Variants in ATP5PD observed in about 807,000 individuals in gnomAD.
ATP5PD encodes ATP synthase peripheral stalk subunit d, mitochondrial.
ATP5PD carries 13 observed loss-of-function variants against 22.6 expected under a neutral mutation model. The observed-to-expected ratio is 0.58, with a 90% CI of 0.37 to 0.91. ATP5PD has a LOEUF of 0.91. ATP5PD is among the 40% of genes least tolerant of loss of function. ATP5PD has a pLI of 0.00. For synonymous variants in ATP5PD, 51 were observed against 65.0 expected, an observed-to-expected ratio of 0.79 and a Z score of 1.03; for missense variants, 165 against 188.0, an observed-to-expected ratio of 0.88 and a Z score of 0.72.
At position 75,039,257 on chromosome 17, in the gene ATP5PD, A is replaced by T. The variant is rs1375088766; in HGVS notation, c.306T>A (p.Ala102=). ...AEEKEDVKSC[A]EWVSLSKARI... The stretch of plus-strand genomic sequence containing the variant: ...TGGCCTTTGAGAGAGACACCCACTC[A>T]GCACAAGATTTCACCTTTAAGAAGA... The change falls in exon 5 of 6, where the codon GCT becomes GCA. Residue 102 remains alanine (A), a synonymous_variant. Coordinates refer to ENST00000301587, the MANE Select transcript of ATP5PD (RefSeq NM_006356.3). The T allele has an allele frequency of 1.5e-5, 24 of 1,614,060 alleles. No homozygotes were observed. The highest frequency in any genetic ancestry group is 2.0e-5 in the Non-Finnish European group (24 of 1,180,036).
At chr17:75,042,112 T>C in intron 3 of ATP5PD, 69 bp downstream of exon 3, 2 of 1,361,912 alleles carry the variant, frequency 1.5e-6, no homozygotes, top group Non-Finnish European at 2.1e-6. Context: ...TGTATGTAAT[T>C]ATCCCTGTTC....
intron 1 of ATP5PD, among the ~76,000 whole-genome samples, chr17:75,044,544 G>A (rs929586201): frequency 4.7e-5 from 7 of 149,396 alleles, no homozygotes; most frequent in South Asian, 2.1e-4. Flanking sequence ...GTTTCTCCAC[G>A]TTGGCCAGGA....
At position 75,039,117 on chromosome 17, in the gene ATP5PD, T is replaced by A. The variant is rs537833800; in HGVS notation, c.355-54A>T. On this transcript the variant is annotated intron_variant, in intron 5 of 5. Transcript: ENST00000301587. ...ATGTAAACAGAGACGGAAAGCAGAA[T>A]ATCCAAGGCAGGTTCCTGCCACCAG... 5.6e-6 allele frequency: 9 copies of A among 1,611,562 alleles called. No individual in the cohort carries two copies. The Admixed American group carries it at 1.5e-4, about 27-fold the overall frequency.
chr17:75,042,482 C>A lies in ATP5PD; in HGVS notation c.122+47G>T, dbSNP rs978994318. On this transcript the variant is annotated intron_variant, in intron 2 of 5. Coordinates refer to ENST00000301587, the MANE Select transcript of ATP5PD (RefSeq NM_006356.3). Reference sequence around the variant, plus strand: ...GTAATTCCTTAATACTGTTTTGTTTCTAGATTCAGTGGCAAGTATGGGGTT... The same window carrying A: ...GTAATTCCTTAATACTGTTTTGTTTATAGATTCAGTGGCAAGTATGGGGTT... The A allele has an allele frequency of 4.4e-6, 7 of 1,594,110 alleles. No homozygotes were observed. In the African/African-American group the frequency reaches 8.1e-5, roughly 19 times the overall value.
At chr17:75,045,105 C>T (rs914363188) in intron 1 of ATP5PD, among the ~76,000 whole-genome samples, 1 of 152,062 alleles carries the variant, frequency 6.6e-6, no homozygotes, top group Non-Finnish European at 1.5e-5. Flanking sequence ...GCTGGGCGTC[C>T]GGGGGAGACA....
chr17:75,039,149 G>C, intron 5 of ATP5PD, 60 bp downstream of exon 5: 3 of 1,611,824 alleles, frequency 1.9e-6, no homozygotes, highest in South Asian at 1.1e-5. Flanking sequence ...CCAGGTGAAA[G>C]ATGTGTGGTC....
intron 4 of ATP5PD, 128 bp from the exon 5 acceptor site, chr17:75,039,399 G>A (rs1024053530): frequency 5.2e-6 from 4 of 775,282 alleles, no homozygotes; most frequent in Non-Finnish European, 6.4e-6. Flanking sequence ...TGGTTACCCT[G>A]AGTGGGGGCG....
chr17:75,044,696 G>A (rs565067096), intron 1 of ATP5PD, among the ~76,000 whole-genome samples: 61 of 152,156 alleles, frequency 4.0e-4, no homozygotes, highest in Admixed American at 9.2e-4. Context: ...TACAGAAAAC[G>A]ACTACAGCCA....
At chr17:75,042,153 T>G in intron 3 of ATP5PD, 28 bp downstream of exon 3, 1 of 1,590,400 alleles carries the variant, frequency 6.3e-7, no homozygotes. Flanking sequence ...TGTTACAAGC[T>G]CAGTGCTTTA....
intron 1 of ATP5PD, among the ~76,000 whole-genome samples, chr17:75,042,880 C>CA (rs951161503): frequency 1.1e-4 from 17 of 148,746 alleles, no homozygotes; most frequent in Admixed American, 6.7e-4. Context: ...GACTCCAACT[C>CA]AAAAAAAAAG....
At chr17:75,039,126 C>T in intron 5 of ATP5PD, 63 bp from the exon 6 acceptor site, 1 of 1,611,954 alleles carries the variant, frequency 6.2e-7, no homozygotes, top group Non-Finnish European at 8.5e-7. Flanking sequence ...ATATCCAAGG[C>T]AGGTTCCTGC....
At chr17:75,042,036 C>A in intron 3 of ATP5PD, 145 bp downstream of exon 3, 1 of 650,910 alleles carries the variant, frequency 1.5e-6, no homozygotes, top group Non-Finnish European at 2.6e-6. Flanking sequence ...ACAGTTCAAT[C>A]GACCACAAGG....
chr17:75,042,249 C>T lies in ATP5PD; in HGVS notation c.151G>A (p.Ala51Thr). Residue 51 changes from alanine (A) to threonine (T), a missense_variant, in exon 3 of 6, where the codon GCT becomes ACT. Ala to Thr is a moderately conservative substitution (Grantham distance 58). Transcript: ENST00000301587. The part of the protein sequence containing the change: ...RLAALPENPP[A>T]IDWAYYKANV... ...GCCTTGTAGTAAGCCCAGTCGATAGCTGGTGGATTCTCAGGTAAAGCAGCC... is the reference window on the plus strand; with the variant it reads ...GCCTTGTAGTAAGCCCAGTCGATAGTTGGTGGATTCTCAGGTAAAGCAGCC... 6.2e-7 allele frequency: 1 copy of T among 1,614,164 alleles called. No homozygotes were observed. The highest frequency in any genetic ancestry group is 8.5e-7 in the Non-Finnish European group (1 of 1,180,018).
In ATP5PD at chr17:75,044,632, G is replaced by A. The variant is rs542959123; in HGVS notation, c.-9-1973C>T. 4.6e-5 allele frequency among the ~76,000 whole-genome samples: 7 copies of A among 152,214 alleles called. No individual in the cohort carries two copies. The East Asian group carries it at 5.8e-4, about 13-fold the overall frequency. On this transcript the variant is annotated intron_variant, in intron 1 of 5. Transcript: ENST00000301587. Reference sequence around the variant, plus strand: ...GCTGGAATTACAGGCATGAGCCACCGCGCCCGGCCTGCATTTTAAGAGGTA... The same window carrying A: ...GCTGGAATTACAGGCATGAGCCACCACGCCCGGCCTGCATTTTAAGAGGTA...
chr17:75,044,363 G>A (rs531713701), intron 1 of ATP5PD, among the ~76,000 whole-genome samples: 1 of 115,032 alleles, frequency 8.7e-6, no homozygotes, highest in Non-Finnish European at 1.6e-5. Flanking sequence ...CCGCCACCGC[G>A]CCCGGCTAAT....
intron 1 of ATP5PD, among the ~76,000 whole-genome samples, chr17:75,046,520 G>A (rs539328890): frequency 6.6e-6 from 1 of 152,338 alleles, no homozygotes; most frequent in African/African-American, 2.4e-5. Flanking sequence ...CGCTCTATAC[G>A]TTCGAATCCT....
chr17:75,045,768 CAATT>C (rs2073208698), intron 1 of ATP5PD, among the ~76,000 whole-genome samples: 1 of 152,122 alleles, frequency 6.6e-6, no homozygotes, highest in African/African-American at 2.4e-5. Context: ...GTAGTTAACA[CAATT>C]ATTACAGGGT....
At position 75,039,865 on chromosome 17, in the gene ATP5PD, G is replaced by A. The variant is rs909644085; in HGVS notation, c.291+227C>T. On this transcript the variant is annotated intron_variant, in intron 4 of 5. Transcript: ENST00000301587. ...CTGTAGACAAACTACATTTTCTAGA[G>A]TCTTACAAAGATGGAATCATATGCT... is the stretch of plus-strand genomic sequence containing the variant. The A allele has an allele frequency of 1.3e-5, 7 of 556,768 alleles. No homozygotes were observed. The African/African-American group carries it at 1.3e-4, about 11-fold the overall frequency. The allele number at this position is 556,768 out of a possible 1,614,324, so 34.5% of individuals were successfully genotyped here.
chr17:75,040,051 T>C, intron 4 of ATP5PD, 41 bp downstream of exon 4: 1 of 1,607,484 alleles, frequency 6.2e-7, no homozygotes, highest in Non-Finnish European at 8.5e-7. Context: ...GCTGTCAAGA[T>C]CAAGAGAATT....
Sources: gnomAD v4.1 joint callset for allele counts (sites outside exome capture counted in the v4.1 genomes callset) on GRCh38, gnomAD v4.1.1 for gene constraint, MANE v1.5 for transcripts, NCBI Gene and HGNC (gene_info 2026-07-23, HGNC 2026-07-21) for gene names.